The following RSRC1 variants were observed in gnomAD, a reference collection of about 807,000 sequenced individuals.
The protein encoded by RSRC1 is serine/Arginine-related protein 53.
Under a neutral mutation model 49.1 loss-of-function variants are expected in RSRC1, and 39 were observed. The observed-to-expected ratio is 0.79, with a 90% confidence interval of 0.61 to 1.04. The LOEUF (loss-of-function observed/expected upper bound fraction) is 1.04. Ranked by LOEUF, RSRC1 falls within the 50% of genes least tolerant of loss-of-function variation. The pLI, the probability that RSRC1 is intolerant of heterozygous loss-of-function variation, is 0.00. For missense variants in RSRC1, 388 were observed against 402.4 expected (o/e 0.96, Z 0.31); for synonymous variants, 143 against 130.8 (o/e 1.09, Z -0.63).
intron 4 of RSRC1, among the ~76,000 whole-genome samples, chr3:158,218,407 A>C (rs1267181951): frequency 1.3e-5 from 2 of 151,688 alleles, no homozygotes; most frequent in African/African-American, 4.8e-5. Context: ...TATGTATTTA[A>C]TGATAGGTTT....
At chr3:158,147,441 G>T (rs574820222) in intron 3 of RSRC1, among the ~76,000 whole-genome samples, 2 of 150,912 alleles carry the variant, frequency 1.3e-5, no homozygotes, top group African/African-American at 4.9e-5. Context: ...TCATGTTTTT[G>T]TATTTACCTA....
intron 4 of RSRC1, among the ~76,000 whole-genome samples, chr3:158,224,958 T>C (rs1559950219): frequency 6.6e-6 from 1 of 151,884 alleles, no homozygotes; most frequent in African/African-American, 2.4e-5. Flanking sequence ...TAAATGCCTA[T>C]AAATATTGTG....
chr3:158,301,605 T>G (rs976014916), intron 5 of RSRC1, among the ~76,000 whole-genome samples: 1 of 152,226 alleles, frequency 6.6e-6, no homozygotes, highest in African/African-American at 2.4e-5. Context: ...TTCAGTCATG[T>G]AATACACATA....
chr3:158,469,157 G>A (rs1275653888), intron 7 of RSRC1, among the ~76,000 whole-genome samples: 2 of 152,076 alleles, frequency 1.3e-5, no homozygotes, highest in Non-Finnish European at 2.9e-5. Flanking sequence ...GATAATGATA[G>A]TAACATATCA....
At chr3:158,262,705 T>C (rs1005266668) in intron 4 of RSRC1, among the ~76,000 whole-genome samples, 2 of 152,120 alleles carry the variant, frequency 1.3e-5, no homozygotes, top group East Asian at 3.8e-4. Flanking sequence ...AAGGTATATG[T>C]CTTTATTTAT....
At chr3:158,533,421 T>G (rs1560078336) in intron 7 of RSRC1, among the ~76,000 whole-genome samples, 1 of 151,704 alleles carries the variant, frequency 6.6e-6, no homozygotes, top group South Asian at 2.1e-4. Flanking sequence ...CTTCTTTCCT[T>G]TATAATTTTT....
chr3:158,150,857 A>G (rs1717485530), intron 3 of RSRC1, among the ~76,000 whole-genome samples: 2 of 152,088 alleles, frequency 1.3e-5, no homozygotes, highest in African/African-American at 4.8e-5. Context: ...TCTGTGTAAG[A>G]TATTATTTGG....
chr3:158,500,327 T>A (rs1739535301), intron 7 of RSRC1, among the ~76,000 whole-genome samples: 2 of 152,138 alleles, frequency 1.3e-5, no homozygotes, highest in South Asian at 4.1e-4. Flanking sequence ...TGTAGTGTTC[T>A]TTTTTTGGTT....
chr3:158,417,927 C>G (rs1018572126), intron 6 of RSRC1, among the ~76,000 whole-genome samples: 4 of 151,682 alleles, frequency 2.6e-5, no homozygotes. Flanking sequence ...TCAGAAGAGC[C>G]TATCAAATTG....
chr3:158,277,413 T>G (rs1460119496), intron 4 of RSRC1, among the ~76,000 whole-genome samples: 4 of 152,206 alleles, frequency 2.6e-5, no homozygotes, highest in African/African-American at 9.6e-5. Context: ...TCTGTTAGAT[T>G]CTTTTCTTGA....
chr3:158,307,539 T>G lies in RSRC1; in HGVS notation c.531+9464T>G, dbSNP rs556114671. ...AACCACTTTTGGGTGTGGGACCGTA[T>G]TAATATTACATTTACTCTAAATATT... On this transcript the variant is annotated intron_variant, in intron 5 of 9. Coordinates refer to ENST00000611884, the MANE Select transcript of RSRC1 (RefSeq NM_001271838.2). Among the ~76,000 whole-genome samples, 3 of 151,908 alleles carry G rather than the reference T, an allele frequency of 2.0e-5. No individual in the cohort carries two copies. The East Asian group carries it at 5.8e-4, about 29-fold the overall frequency.
At chr3:158,238,685 TC>T (rs1432136794) in intron 4 of RSRC1, among the ~76,000 whole-genome samples, 1 of 152,188 alleles carries the variant, frequency 6.6e-6, no homozygotes, top group Non-Finnish European at 1.5e-5. Flanking sequence ...TGAAACTGGT[TC>T]CCTTCCTTAC....
chr3:158,372,133 C>A lies in RSRC1; in HGVS notation c.583+17225C>A, dbSNP rs141717387. ...ACAGTTTGTGGCATGTTTTCATTCT[C>A]TTAATGGTGTCTTTTGAAGAGCAGC... On this transcript the variant is annotated intron_variant, in intron 6 of 9. Coordinates refer to ENST00000611884, the MANE Select transcript of RSRC1 (RefSeq NM_001271838.2). Among the ~76,000 whole-genome samples the A allele has an allele frequency of 7.9e-5, 12 of 151,874 alleles. No homozygotes were observed. The East Asian group carries it at 2.3e-3, about 29-fold the overall frequency.
chr3:158,151,778 T>C (rs1717552535), intron 3 of RSRC1, among the ~76,000 whole-genome samples: 2 of 152,204 alleles, frequency 1.3e-5, no homozygotes, highest in South Asian at 4.1e-4. Context: ...ACAGTGTCAT[T>C]ATATGTAGTC....
At position 158,537,152 on chromosome 3, in the gene RSRC1, A is replaced by T; in HGVS notation, c.713A>T (p.Asp238Val). ...RVKEIEAIES[D>V]SFVQQTFRSS... Reference sequence around the variant, plus strand: ...AAAGAAATTGAAGCTATTGAAAGTGATTCTTTTGTTCAGCAGACATTCAGA... The same window carrying T: ...AAAGAAATTGAAGCTATTGAAAGTGTTTCTTTTGTTCAGCAGACATTCAGA... The change falls in exon 8 of 10, where the codon GAT becomes GTT. Residue 238 changes from aspartate (D) to valine (V), a missense_variant. Coordinates refer to ENST00000611884, the MANE Select transcript of RSRC1 (RefSeq NM_001271838.2). 1 of 1,602,678 alleles carries T rather than the reference A, an allele frequency of 6.2e-7. No homozygotes were observed. The highest frequency in any genetic ancestry group is 8.5e-7 in the Non-Finnish European group (1 of 1,175,118).
chr3:158,156,818 C>T (rs142604837), intron 3 of RSRC1, among the ~76,000 whole-genome samples: 30 of 152,238 alleles, frequency 2.0e-4, no homozygotes, highest in African/African-American at 6.7e-4. Context: ...AGTAGTAACA[C>T]TGGGAATCAC....
At chr3:158,270,701 G>T (rs2108054206) in intron 4 of RSRC1, among the ~76,000 whole-genome samples, 1 of 152,072 alleles carries the variant, frequency 6.6e-6, no homozygotes, top group South Asian at 2.1e-4. Flanking sequence ...TATGTTTTAA[G>T]TTTCCTGGTT....
chr3:158,190,818 C>T (rs139697155), intron 3 of RSRC1, among the ~76,000 whole-genome samples: 1 of 152,030 alleles, frequency 6.6e-6, no homozygotes, highest in East Asian at 1.9e-4. Flanking sequence ...TTTCTTGGAT[C>T]AGCAGTAATA....
At chr3:158,267,105 C>T (rs1363127612) in intron 4 of RSRC1, among the ~76,000 whole-genome samples, 12 of 152,268 alleles carry the variant, frequency 7.9e-5, no homozygotes, top group Admixed American at 7.9e-4. Flanking sequence ...TACTGTCATT[C>T]AAATATGGAT....
Sources: gnomAD v4.1 joint callset for allele counts (sites outside exome capture counted in the v4.1 genomes callset) on GRCh38, gnomAD v4.1.1 for gene constraint, MANE v1.5 for transcripts, NCBI Gene and HGNC (gene_info 2026-07-23, HGNC 2026-07-21) for gene names.